FAT4: variants seen among roughly 807,000 people sequenced by gnomAD.
FAT4 encodes the protein protocadherin Fat 4.
A neutral mutation model predicts 303.9 loss-of-function variants in FAT4; 84 were observed. That is an observed-to-expected ratio of 0.28 (90% CI 0.23 to 0.33). The LOEUF is 0.33. Among genes scored for constraint, FAT4 ranks in the 10% least tolerant of loss-of-function variants. FAT4 has a pLI of 1.00. For synonymous variants in FAT4, 2,307 were observed against 2,298.8 expected (o/e 1.00, Z -0.10); for missense variants, 6,005 against 6,146.8 (o/e 0.98, Z 0.77).
intron 7 of FAT4, among the ~76,000 whole-genome samples, chr4:125,420,984 G>C (rs1459846378): frequency 1.3e-5 from 2 of 152,218 alleles, no homozygotes; most frequent in South Asian, 4.1e-4. Flanking sequence ...AGGCTGGTGT[G>C]TAGTGGCATG....
At chr4:125,359,621 A>G (rs189400406) in intron 2 of FAT4, among the ~76,000 whole-genome samples, 1 of 152,212 alleles carries the variant, frequency 6.6e-6, no homozygotes, top group East Asian at 1.9e-4. Flanking sequence ...AATCAAAAAC[A>G]TACTTTCATG....
At chr4:125,385,275 G>A (rs1246640301) in intron 2 of FAT4, among the ~76,000 whole-genome samples, 5 of 151,724 alleles carry the variant, frequency 3.3e-5, no homozygotes, top group African/African-American at 1.2e-4. Flanking sequence ...TACCTGCCTC[G>A]GCCTCCCAAA....
At chr4:125,448,304 A>C (rs910297210) in intron 9 of FAT4, among the ~76,000 whole-genome samples, 157 bp from the exon 10 acceptor site, 1 of 152,128 alleles carries the variant, frequency 6.6e-6, no homozygotes, top group African/African-American at 2.4e-5. Flanking sequence ...TGACTTGTGA[A>C]CCTCGGAGAA....
At chr4:125,379,547 C>T (rs1733460573) in intron 2 of FAT4, among the ~76,000 whole-genome samples, 1 of 151,910 alleles carries the variant, frequency 6.6e-6, no homozygotes, top group Admixed American at 6.6e-5. Context: ...GTAACCTTGG[C>T]CTCCTGGCTT....
chr4:125,320,130 G>T lies in FAT4; in HGVS notation c.3719G>T (p.Gly1240Val), dbSNP rs575975326. ...GTATCTGCCTCAGATGTTGATGAAG[G>T]TAATAATGGACTTATTCACTATTCT... is the stretch of plus-strand genomic sequence containing the variant. Reference protein sequence around the residue: ...LRVSASDVDEGNNGLIHYSII... With the variant: ...LRVSASDVDEVNNGLIHYSII... Residue 1240 changes from glycine (G) to valine (V), a missense_variant, in exon 2 of 18, where the codon GGT becomes GTT. By Grantham distance (109) the Gly-to-Val change is moderately radical. Transcript: ENST00000394329. 2 of 1,613,922 alleles carry T rather than the reference G, an allele frequency of 1.2e-6. No homozygotes were observed. The highest frequency in any genetic ancestry group is 1.7e-6 in the Non-Finnish European group (2 of 1,179,870).
chr4:125,450,011 GGTACGAA>G lies in FAT4; in HGVS notation c.9004_9010del (p.Thr3002Ter). On this transcript the variant is annotated frameshift_variant, in exon 10 of 18. Coordinates refer to ENST00000394329, the MANE Select transcript of FAT4 (RefSeq NM_001291303.3). LOFTEE classifies it high-confidence loss of function. ...TCCAGTCACCAAAAATGTTAAGGTT[GGTACGAA>G]GTTAATCAGAGTTACAGCAATAGAT... 1 of 1,613,748 alleles carries G rather than the reference GGTACGAA, an allele frequency of 6.2e-7. No individual in the cohort carries two copies. The highest frequency in any genetic ancestry group is 8.5e-7 in the Non-Finnish European group (1 of 1,179,918).
chr4:125,485,260 T>G (rs1353724074), intron 16 of FAT4, among the ~76,000 whole-genome samples: 1 of 126,534 alleles, frequency 7.9e-6, no homozygotes, highest in Non-Finnish European at 1.6e-5. Context: ...TTTAGCTTAC[T>G]GTAACTCTTT....
intron 7 of FAT4, among the ~76,000 whole-genome samples, chr4:125,430,723 G>A (rs1291327900): frequency 4.6e-5 from 7 of 152,072 alleles, no homozygotes; most frequent in Admixed American, 4.6e-4. Flanking sequence ...ATAATAAGGG[G>A]AGAAAAGGGA....
intron 2 of FAT4, among the ~76,000 whole-genome samples, chr4:125,352,897 A>T (rs1732285264): frequency 6.6e-6 from 1 of 151,778 alleles, no homozygotes; most frequent in Non-Finnish European, 1.5e-5. Flanking sequence ...GTGATGTATT[A>T]AAAAAATGAT....
intron 2 of FAT4, among the ~76,000 whole-genome samples, chr4:125,352,896 TA>T (rs899485296): frequency 3.3e-5 from 5 of 151,858 alleles, no homozygotes; most frequent in African/African-American, 9.6e-5. Flanking sequence ...AGTGATGTAT[TA>T]AAAAAATGAT....
chr4:125,329,361 A>C (rs1451227054), intron 2 of FAT4, among the ~76,000 whole-genome samples: 2 of 152,162 alleles, frequency 1.3e-5, no homozygotes, highest in African/African-American at 4.8e-5. Context: ...AATCTAAAGA[A>C]TATTTGACCT....
In FAT4 at chr4:125,318,024, G is replaced by A. The variant is rs1193758539; in HGVS notation, c.1613G>A (p.Gly538Glu). 3.1e-6 allele frequency: 5 copies of A among 1,614,050 alleles called. No homozygotes were observed. In the African/African-American group the frequency reaches 6.7e-5, roughly 22 times the overall value. Residue 538 changes from glycine (G) to glutamate (E), a missense_variant, in exon 2 of 18, where the codon GGG becomes GAG. By Grantham distance (98) the Gly-to-Glu change is moderately conservative. Transcript: ENST00000394329. ...GGCCTCGTGACCACTGGGTCCTCTG[G>A]GGGCCTGGACCGTGAACTTGCTTCC... Reference protein sequence around the residue: ...HSGLVTTGSSGGLDRELASQI... With the variant: ...HSGLVTTGSSEGLDRELASQI...
At chr4:125,463,461 C>T (rs184487586) in intron 10 of FAT4, 102 bp from the exon 11 acceptor site, 83 of 530,554 alleles carry the variant, frequency 1.6e-4, no homozygotes, top group African/African-American at 1.4e-3. Flanking sequence ...TTCTTTTCTC[C>T]GTGATATGCC....
intron 2 of FAT4, among the ~76,000 whole-genome samples, chr4:125,354,125 T>C (rs1472331411): frequency 6.6e-6 from 1 of 151,728 alleles, no homozygotes; most frequent in Admixed American, 6.6e-5. Context: ...TTTTATAATA[T>C]TTTGGAAAAA....
At chr4:125,416,667 C>T (rs1211150735) in intron 7 of FAT4, 45 bp downstream of exon 7, 1 of 1,591,786 alleles carries the variant, frequency 6.3e-7, no homozygotes, top group African/African-American at 1.3e-5. Context: ...ATTTCTAGGC[C>T]AGGCACGGTG....
intron 2 of FAT4, among the ~76,000 whole-genome samples, chr4:125,334,390 C>T (rs780619959): frequency 6.6e-6 from 1 of 152,092 alleles, no homozygotes; most frequent in Non-Finnish European, 1.5e-5. Flanking sequence ...ATCCCATTTG[C>T]AAAGATCCTG....
intron 3 of FAT4, among the ~76,000 whole-genome samples, chr4:125,402,009 T>C (rs759654515): frequency 6.6e-6 from 1 of 151,944 alleles, no homozygotes; most frequent in Non-Finnish European, 1.5e-5. Flanking sequence ...ATTTAGTAAA[T>C]AGACTTTTCA....
intron 8 of FAT4, among the ~76,000 whole-genome samples, chr4:125,438,423 G>T (rs530383870): frequency 2.0e-5 from 3 of 152,086 alleles, no homozygotes; most frequent in African/African-American, 7.2e-5. Flanking sequence ...AGGTCTGATG[G>T]GATTGTTTTG....
At chr4:125,331,250 G>T (rs1731370564) in intron 2 of FAT4, among the ~76,000 whole-genome samples, 1 of 152,260 alleles carries the variant, frequency 6.6e-6, no homozygotes, top group Non-Finnish European at 1.5e-5. Context: ...CTACAGTGTG[G>T]CTGGCTCTAG....
Sources: allele counts gnomAD v4.1 joint callset (sites outside exome capture counted in the v4.1 genomes callset), GRCh38; gene constraint gnomAD v4.1.1; transcripts MANE v1.5; gene names NCBI Gene and HGNC (gene_info 2026-07-23, HGNC 2026-07-21).